CPNE4: variants seen among roughly 807,000 people sequenced by gnomAD.
CPNE4 encodes copine 4.
CPNE4 carries 25 observed loss-of-function variants against 67.9 expected under a neutral mutation model. That is an observed-to-expected ratio of 0.37 (90% CI 0.27 to 0.51). The LOEUF (loss-of-function observed/expected upper bound fraction) is 0.51, where lower values mean the gene tolerates loss of function less well. Among genes scored for constraint, CPNE4 ranks in the 20% least tolerant of loss-of-function variants. The probability of loss-of-function intolerance (pLI) is 0.93; values close to 1 mark genes in which losing one functional copy is unlikely to be tolerated. For synonymous variants in CPNE4, 242 were observed against 244.9 expected (o/e 0.99, Z 0.11); for missense variants, 464 against 690.8 (o/e 0.67, Z 3.68).
At chr3:131,961,123 C>T (rs1026333811) in intron 1 of CPNE4, among the ~76,000 whole-genome samples, 1 of 152,140 alleles carries the variant, frequency 6.6e-6, no homozygotes, top group South Asian at 2.1e-4. Flanking sequence ...GTTCTTCATC[C>T]AGGGCATTTT....
chr3:131,698,000 G>C (rs2107699009), intron 4 of CPNE4, among the ~76,000 whole-genome samples: 1 of 151,926 alleles, frequency 6.6e-6, no homozygotes, highest in South Asian at 2.1e-4. Context: ...TGGGAGGTGA[G>C]GCGGGCGGAT....
intron 3 of CPNE4, among the ~76,000 whole-genome samples, chr3:131,714,004 A>C (rs971297863): frequency 6.6e-6 from 1 of 152,124 alleles, no homozygotes. Flanking sequence ...TTCTGCTTGC[A>C]GTAATTCTGC....
At chr3:131,912,546 A>G (rs1001179612) in intron 1 of CPNE4, among the ~76,000 whole-genome samples, 3 of 152,146 alleles carry the variant, frequency 2.0e-5, no homozygotes, top group African/African-American at 7.2e-5. Flanking sequence ...TATGTGCCTG[A>G]TGTGCTGAAT....
intron 2 of CPNE4, among the ~76,000 whole-genome samples, chr3:131,858,323 AT>A (rs1328643116): frequency 6.6e-6 from 1 of 151,966 alleles, no homozygotes; most frequent in African/African-American, 2.4e-5. Flanking sequence ...CTCCTTTTGT[AT>A]TTTGTTCTCT....
chr3:131,803,771 A>C (rs2084214890), intron 2 of CPNE4, among the ~76,000 whole-genome samples: 1 of 152,224 alleles, frequency 6.6e-6, no homozygotes, highest in Non-Finnish European at 1.5e-5. Context: ...TGACAATATT[A>C]GTATTTAACA....
chr3:131,764,438 T>C (rs2082960598), intron 2 of CPNE4, among the ~76,000 whole-genome samples: 1 of 152,122 alleles, frequency 6.6e-6, no homozygotes, highest in Non-Finnish European at 1.5e-5. Context: ...AGAAATTATA[T>C]TCAAATGTTA....
intron 15 of CPNE4, among the ~76,000 whole-genome samples, chr3:131,535,810 C>G (rs1168847252): frequency 6.6e-6 from 1 of 152,192 alleles, no homozygotes; most frequent in Non-Finnish European, 1.5e-5. Context: ...AATGTAGACT[C>G]AGACCCAACT....
chr3:132,019,829 C>A (rs186142763), intron 1 of CPNE4, among the ~76,000 whole-genome samples: 1 of 152,230 alleles, frequency 6.6e-6, no homozygotes, highest in African/African-American at 2.4e-5. Context: ...CAAAGGCTGC[C>A]CTTCAGCCAA....
At chr3:131,637,075 T>G (rs1034354031) in intron 7 of CPNE4, among the ~76,000 whole-genome samples, 4 of 152,248 alleles carry the variant, frequency 2.6e-5, no homozygotes, top group Non-Finnish European at 5.9e-5. Context: ...TCTGACATAG[T>G]CTACCCAAAT....
At chr3:131,884,643 A>G (rs2087808279) in intron 2 of CPNE4, among the ~76,000 whole-genome samples, 1 of 152,182 alleles carries the variant, frequency 6.6e-6, no homozygotes, top group South Asian at 2.1e-4. Flanking sequence ...TGGTACTCCC[A>G]TAATTCCCAC....
At chr3:131,930,059 C>T (rs777526817) in intron 1 of CPNE4, among the ~76,000 whole-genome samples, 20 of 152,252 alleles carry the variant, frequency 1.3e-4, no homozygotes, top group Middle Eastern at 3.4e-3. Flanking sequence ...TTGCCAGCAG[C>T]GAGTGACTTC....
At chr3:131,818,190 A>T (rs9855524) in intron 2 of CPNE4, among the ~76,000 whole-genome samples, 39,597 of 152,118 alleles carry the variant, frequency 0.26, 5,266 homozygotes, top group South Asian at 0.29. Context: ...TTATTAGTTG[A>T]GTATATAAAA....
intron 7 of CPNE4, among the ~76,000 whole-genome samples, chr3:131,605,243 G>C (rs532226122): frequency 1.3e-5 from 2 of 152,238 alleles, no homozygotes; most frequent in South Asian, 4.1e-4. Context: ...TGAAAGCTGA[G>C]ACAGAATGCT....
chr3:131,889,185 A>G (rs988607679), intron 2 of CPNE4, among the ~76,000 whole-genome samples: 4 of 152,156 alleles, frequency 2.6e-5, no homozygotes, highest in African/African-American at 9.7e-5. Context: ...TATTGTTGTT[A>G]CCTTCATTTT....
chr3:131,593,087 A>G (rs1482387916), intron 7 of CPNE4, among the ~76,000 whole-genome samples: 1 of 152,260 alleles, frequency 6.6e-6, no homozygotes, highest in Non-Finnish European at 1.5e-5. Flanking sequence ...ATCAAACAAC[A>G]ATCATCTATT....
chr3:131,895,933 A>T (rs2088310805), intron 2 of CPNE4, among the ~76,000 whole-genome samples: 2 of 152,028 alleles, frequency 1.3e-5, no homozygotes. Flanking sequence ...TAAAAAACTT[A>T]TCTAATCCCC....
chr3:131,777,378 G>GTTTT (rs35495075), intron 2 of CPNE4, among the ~76,000 whole-genome samples: 6 of 142,656 alleles, frequency 4.2e-5, no homozygotes, highest in Non-Finnish European at 9.3e-5. Flanking sequence ...GCATTTCAAG[G>GTTTT]TTTTTTTTTT....
intron 3 of CPNE4, among the ~76,000 whole-genome samples, chr3:131,711,997 T>C (rs7636346): frequency 0.029 from 4,477 of 152,244 alleles, 169 homozygotes; most frequent in African/African-American, 0.088. Context: ...CATCTGCAAA[T>C]TGATCTTTCA....
At chr3:131,784,379 T>G (rs555940728) in intron 2 of CPNE4, among the ~76,000 whole-genome samples, 1 of 152,206 alleles carries the variant, frequency 6.6e-6, no homozygotes, top group African/African-American at 2.4e-5. Flanking sequence ...GCACCCTCAC[T>G]TCTGCCCCAA....
Sources: gnomAD v4.1 joint callset for allele counts (sites outside exome capture counted in the v4.1 genomes callset) on GRCh38, gnomAD v4.1.1 for gene constraint, MANE v1.5 for transcripts, NCBI Gene and HGNC (gene_info 2026-07-23, HGNC 2026-07-21) for gene names.